The following SPECC1 variants were observed in gnomAD, a reference collection of about 807,000 sequenced individuals.
SPECC1 encodes the protein cytospin-B.
A neutral mutation model predicts 104.1 loss-of-function variants in SPECC1; 62 were observed. That is an observed-to-expected ratio of 0.60 (90% CI 0.49 to 0.74). The LOEUF (loss-of-function observed/expected upper bound fraction) is 0.74. SPECC1 is among the 30% of genes least tolerant of loss of function. The pLI is 0.00. For missense variants in SPECC1, 1,306 were observed against 1,310.5 expected, an observed-to-expected ratio of 1.00 and a Z score of 0.05; for synonymous variants, 513 against 501.6, an observed-to-expected ratio of 1.02 and a Z score of -0.30.
Position 20,257,484 on chromosome 17 carries a change from C to T in SPECC1, c.2714C>T (p.Pro905Leu), listed in dbSNP as rs750728829. ...ILKGRTETLK[P>L]DPHLRKSPSL... ...AAGGGAAGGACTGAGACCCTGAAGC[C>T]AGACCCCCACCTCCGCAAGAGTCCC... The change falls in exon 11 of 15, where the codon CCA becomes CTA. Residue 905 changes from proline to leucine, a missense_variant. By Grantham distance (98) the Pro-to-Leu change is moderately conservative (BLOSUM62 -3). Around this residue, in one of 2 missense-constraint regions of SPECC1, gnomAD observed 1,177 missense variants for 1,139.9 expected, o/e 1.03. Coordinates refer to ENST00000395527, the MANE Select transcript of SPECC1 (RefSeq NM_001243439.2). 2 of 1,601,572 alleles carry T rather than the reference C, an allele frequency of 1.2e-6. No individual in the cohort carries two copies. Among genetic ancestry groups the T allele is most frequent in the Non-Finnish European group, 1.7e-6 (2 of 1,176,824 alleles).
At position 20,317,707 on chromosome 17, in the gene SPECC1, AAG is replaced by A. The variant is rs1418494465; in HGVS notation, c.*3645_*3646del. The A allele has an allele frequency of 4.7e-6, 1 of 212,340 alleles. No individual in the cohort carries two copies. Among genetic ancestry groups the A allele is most frequent in the Non-Finnish European group, 9.5e-6 (1 of 105,014 alleles). The allele number at this position is 212,340 out of a possible 1,614,324, so 13.2% of individuals were successfully genotyped here. ...TGCCACTGCACTCTGGCCTGGGCCA[AAG>A]AGCAAGACCCTGTCACACACACACA... is the stretch of plus-strand genomic sequence containing the variant. On this transcript the variant is annotated 3_prime_UTR_variant, in exon 15 of 15. Transcript: ENST00000395527.
At chr17:20,293,619 A>T (rs1255772226) in intron 12 of SPECC1, among the ~76,000 whole-genome samples, 1 of 152,160 alleles carries the variant, frequency 6.6e-6, no homozygotes. Context: ...GAAGAGGAAG[A>T]GCTCCTCAGT....
chr17:20,229,348 G>A (rs893430900), intron 5 of SPECC1, among the ~76,000 whole-genome samples: 3 of 152,136 alleles, frequency 2.0e-5, no homozygotes, highest in Non-Finnish European at 4.4e-5. Context: ...CGTTGTGCGT[G>A]AGTTCGGTGT....
chr17:20,190,520 G>A (rs2035594869), intron 3 of SPECC1, among the ~76,000 whole-genome samples: 1 of 152,102 alleles, frequency 6.6e-6, no homozygotes, highest in Non-Finnish European at 1.5e-5. Context: ...TTTAGGCACA[G>A]CAAAATTGAG....
At chr17:20,200,549 C>T (rs1341543014) in intron 3 of SPECC1, among the ~76,000 whole-genome samples, 1 of 152,204 alleles carries the variant, frequency 6.6e-6, no homozygotes, top group East Asian at 1.9e-4. Flanking sequence ...TCCACTGGCC[C>T]TTCTCTCCAC....
intron 1 of SPECC1, among the ~76,000 whole-genome samples, chr17:20,025,252 A>G (rs2044555081): frequency 1.3e-5 from 2 of 152,168 alleles, no homozygotes; most frequent in South Asian, 4.1e-4. Context: ...AGAAAGAACC[A>G]GCTCTGCTGA....
chr17:20,053,859 T>C (rs545345443), intron 1 of SPECC1, among the ~76,000 whole-genome samples: 271 of 152,358 alleles, frequency 1.8e-3, no homozygotes, highest in Admixed American at 2.1e-3. Context: ...AACTGGGAGA[T>C]AAGCCTTTGT....
At chr17:20,155,740 C>G (rs1254990979) in intron 3 of SPECC1, 2 of 224,884 alleles carry the variant, frequency 8.9e-6, no homozygotes. Context: ...TTCCGCCTCA[C>G]CGCAGTGGGG....
At chr17:20,036,815 T>G (rs2152448768) in intron 1 of SPECC1, among the ~76,000 whole-genome samples, 1 of 152,312 alleles carries the variant, frequency 6.6e-6, no homozygotes, top group South Asian at 2.1e-4. Flanking sequence ...TTCTTATCGT[T>G]TTGCACAAGT....
At chr17:20,125,659 T>C (rs1050578507) in intron 3 of SPECC1, among the ~76,000 whole-genome samples, 12 of 152,236 alleles carry the variant, frequency 7.9e-5, no homozygotes, top group African/African-American at 2.9e-4. Flanking sequence ...TCCCTTAGCA[T>C]AGTATCCTTC....
intron 1 of SPECC1, among the ~76,000 whole-genome samples, chr17:20,032,936 G>T (rs970828176): frequency 6.8e-6 from 1 of 147,672 alleles, no homozygotes; most frequent in Non-Finnish European, 1.5e-5. Flanking sequence ...ACACACGCGC[G>T]CACACACACA....
intron 1 of SPECC1, among the ~76,000 whole-genome samples, chr17:20,012,859 G>A (rs1309135532): frequency 1.3e-5 from 2 of 151,952 alleles, no homozygotes; most frequent in Non-Finnish European, 2.9e-5. Context: ...ATCCATTACC[G>A]CAGCCCCTGG....
chr17:20,014,680 A>T (rs1009361467), intron 1 of SPECC1, among the ~76,000 whole-genome samples: 2 of 152,020 alleles, frequency 1.3e-5, no homozygotes, highest in Admixed American at 1.3e-4. Context: ...CTTTGTAGTT[A>T]ATGTTTATTT....
At chr17:20,311,593 A>G (rs1421259340) in intron 14 of SPECC1, among the ~76,000 whole-genome samples, 1 of 152,036 alleles carries the variant, frequency 6.6e-6, no homozygotes, top group Non-Finnish European at 1.5e-5. Context: ...GAGTTTCAAC[A>G]TGTTTGCCAG....
At chr17:20,296,058 C>CCATT (rs1323666948) in intron 12 of SPECC1, among the ~76,000 whole-genome samples, 1 of 152,168 alleles carries the variant, frequency 6.6e-6, no homozygotes, top group Non-Finnish European at 1.5e-5. Flanking sequence ...GCTTTTGTTG[C>CCATT]CATTGCTTTT....
chr17:20,076,307 C>G (rs575485895), intron 1 of SPECC1, among the ~76,000 whole-genome samples: 2 of 152,180 alleles, frequency 1.3e-5, no homozygotes, highest in Non-Finnish European at 2.9e-5. Flanking sequence ...TCAAACTATC[C>G]TCCCACCTCA....
chr17:20,024,903 T>C (rs1026828962), intron 1 of SPECC1, among the ~76,000 whole-genome samples: 1 of 152,180 alleles, frequency 6.6e-6, no homozygotes, highest in African/African-American at 2.4e-5. Context: ...TTAGTTCCCA[T>C]ATTAAATTCC....
intron 3 of SPECC1, among the ~76,000 whole-genome samples, chr17:20,116,494 T>TA (rs11299930): frequency 4.0e-5 from 6 of 151,858 alleles, no homozygotes; most frequent in Admixed American, 1.3e-4. Flanking sequence ...TGAGCATCTA[T>TA]AAAAAAAATC....
intron 7 of SPECC1, among the ~76,000 whole-genome samples, chr17:20,242,490 A>G (rs1467358433): frequency 6.6e-6 from 1 of 152,142 alleles, no homozygotes. Flanking sequence ...TCTGGCCTGC[A>G]ACTGTTGTTC....
Sources: allele counts gnomAD v4.1 joint callset (sites outside exome capture counted in the v4.1 genomes callset), GRCh38; gene constraint gnomAD v4.1.1; regional missense constraint gnomAD v4.1.1; transcripts MANE v1.5; gene names NCBI Gene and HGNC (gene_info 2026-07-23, HGNC 2026-07-21).